RNF170: variants seen among roughly 807,000 people sequenced by gnomAD.
RNF170 encodes the protein E3 ubiquitin-protein ligase RNF170.
A neutral mutation model predicts 32.7 loss-of-function variants in RNF170; 12 were observed. That is an observed-to-expected ratio of 0.37 (90% confidence interval 0.24 to 0.60). The LOEUF is 0.60. Among genes scored for constraint, RNF170 ranks in the 20% least tolerant of loss-of-function variants. The pLI is 0.72. For missense variants in RNF170, 212 were observed against 311.2 expected (o/e 0.68, Z 2.40); for synonymous variants, 91 against 103.6 (o/e 0.88, Z 0.74).
At chr8:42,865,261 A>T (rs1324616124) in intron 5 of RNF170, among the ~76,000 whole-genome samples, 155 bp downstream of exon 5, 1 of 151,292 alleles carries the variant, frequency 6.6e-6, no homozygotes, top group Non-Finnish European at 1.5e-5. Flanking sequence ...AAAAAAATAA[A>T]AATAATAATA....
Position 42,854,284 on chromosome 8 carries a change from A to C in RNF170, c.*1875T>G. 1 of 1,287,220 alleles carries C rather than the reference A, an allele frequency of 7.8e-7. No individual in the cohort carries two copies. The highest frequency in any genetic ancestry group is 1.5e-5 in the African/African-American group (1 of 65,912). The allele number at this position is 1,287,220 out of a possible 1,614,324, so 79.7% of individuals were successfully genotyped here. A position where few individuals can be genotyped will look rare whatever the true frequency, so the allele number is the denominator to read the frequency against. On this transcript the variant is annotated 3_prime_UTR_variant, in exon 7 of 7. Transcript: ENST00000527424. The stretch of plus-strand genomic sequence containing the variant: ...CAGTTTCTCTCTTGCTGTTCCTCTT[A>C]ACAACTTTCACGTCTATCTAAACAT...
intron 2 of RNF170, among the ~76,000 whole-genome samples, chr8:42,878,793 G>C (rs1463668658): frequency 6.6e-6 from 1 of 152,210 alleles, no homozygotes; most frequent in Non-Finnish European, 1.5e-5. Context: ...CTAGAGAGGA[G>C]AAGTCAATGC....
intron 2 of RNF170, among the ~76,000 whole-genome samples, chr8:42,878,890 T>C (rs1196666768): frequency 6.6e-6 from 1 of 152,242 alleles, no homozygotes; most frequent in Non-Finnish European, 1.5e-5. Context: ...CAATGCTCAT[T>C]GACCATTCTG....
chr8:42,850,633 AAGCAGAC>A (rs1802917187), downstream of RNF170: 2 of 833,210 alleles, frequency 2.4e-6, no homozygotes, highest in Non-Finnish European at 3.8e-6. Flanking sequence ...TTCTAGTGAG[AAGCAGAC>A]AGACAATGGA....
rs1357926023 is a variant in RNF170 at position 42,870,090 on chromosome 8, T to G, written c.236A>C (p.Gln79Pro). The change falls in exon 4 of 7, where the codon CAG becomes CCG. Residue 79 changes from glutamine (Q) to proline (P), a missense_variant. By Grantham distance (76) the Gln-to-Pro change is moderately conservative. Transcript: ENST00000527424. ...ACAGTACATGTCAGTGTAGAACTGC[T>G]GTCGAGTGGCAGCAGGTGCATCCTA... ...TEQDAPAATR[Q>P]QFYTDMYCPI... 6.2e-7 allele frequency: 1 copy of G among 1,613,846 alleles called. No homozygotes were observed. Among genetic ancestry groups the G allele is most frequent in the Non-Finnish European group, 8.5e-7 (1 of 1,179,962 alleles).
chr8:42,892,681 T>TG (rs1806409184), intron 1 of RNF170, among the ~76,000 whole-genome samples: 3 of 151,808 alleles, frequency 2.0e-5, no homozygotes, highest in Admixed American at 2.0e-4. Flanking sequence ...AGCGTTTTTT[T>TG]TTTTTTTTTT....
downstream of RNF170, chr8:42,851,139 A>G (rs1464638361): frequency 1.7e-6 from 2 of 1,209,480 alleles, no homozygotes; most frequent in African/African-American, 3.0e-5. Context: ...CTCTACCACC[A>G]CAGCCCCCAT....
intron 2 of RNF170, among the ~76,000 whole-genome samples, chr8:42,884,348 T>C (rs1805642714): frequency 1.3e-5 from 2 of 152,084 alleles, no homozygotes; most frequent in South Asian, 4.2e-4. Context: ...CCTCCCAAAG[T>C]GCTAGGATTA....
At position 42,886,160 on chromosome 8, in the gene RNF170, C is replaced by G. The variant is rs943293858; in HGVS notation, c.137+1568G>C. Among the ~76,000 whole-genome samples the G allele has an allele frequency of 4.9e-4, 75 of 151,812 alleles. 1 individual carries two copies. Among genetic ancestry groups the G allele is most frequent in the Non-Finnish European group, 2.9e-5 (2 of 67,920 alleles). ...AATGGCGTGAACCCGGGAAGTGGAG[C>G]TTGCAGTGAGCCGAGATCACGCCAC... is the stretch of plus-strand genomic sequence containing the variant. On this transcript the variant is annotated intron_variant, in intron 2 of 6. Transcript: ENST00000527424.
At chr8:42,883,861 A>C (rs1234340168) in intron 2 of RNF170, among the ~76,000 whole-genome samples, 1 of 152,208 alleles carries the variant, frequency 6.6e-6, no homozygotes, top group Non-Finnish European at 1.5e-5. Flanking sequence ...TCTGAATTTT[A>C]AACTACAAAT....
chr8:42,878,556 G>A (rs1805138134), intron 2 of RNF170, among the ~76,000 whole-genome samples: 1 of 152,192 alleles, frequency 6.6e-6, no homozygotes, highest in Non-Finnish European at 1.5e-5. Flanking sequence ...AGGAGAGGAA[G>A]CTACAGAAGA....
intron 2 of RNF170, among the ~76,000 whole-genome samples, chr8:42,878,223 G>C (rs928986993): frequency 6.6e-6 from 1 of 152,170 alleles, no homozygotes; most frequent in Non-Finnish European, 1.5e-5. Context: ...GTGTTCAAGT[G>C]AAAGGAAGAC....
intron 1 of RNF170, among the ~76,000 whole-genome samples, chr8:42,890,035 C>G (rs1178048436): frequency 2.0e-5 from 3 of 152,116 alleles, no homozygotes; most frequent in Admixed American, 2.0e-4. Context: ...GGTGAAAGTG[C>G]TTTGTAAGTT....
chr8:42,860,604 G>A (rs539034254), intron 6 of RNF170, among the ~76,000 whole-genome samples: 4 of 152,102 alleles, frequency 2.6e-5, no homozygotes, highest in Non-Finnish European at 5.9e-5. Context: ...TGTATTTTTA[G>A]TAGAGACAGG....
rs1804412614 is a variant in RNF170, at chr8:42,870,084, A to G, written c.242T>C (p.Phe81Ser). The change falls in exon 4 of 7, where the codon TTC (phenylalanine) becomes TCC (serine). Residue 81 changes from phenylalanine (F) to serine (S), a missense_variant. By Grantham distance (155) the Phe-to-Ser change is radical. Transcript: ENST00000527424. ...GATGGGACAGTACATGTCAGTGTAG[A>G]ACTGCTGTCGAGTGGCAGCAGGTGC... ...QDAPAATRQQFYTDMYCPICL... is the reference protein window; with the variant it reads ...QDAPAATRQQSYTDMYCPICL... The G allele has an allele frequency of 6.2e-7, 1 of 1,614,022 alleles. No homozygotes were observed. The highest frequency in any genetic ancestry group is 1.3e-5 in the African/African-American group (1 of 74,910).
upstream of RNF170, chr8:42,897,195 G>T: frequency 1.6e-6 from 2 of 1,243,382 alleles, no homozygotes; most frequent in Non-Finnish European, 2.0e-6. Flanking sequence ...TTGGGTACGT[G>T]GGGGCCGCGG....
chr8:42,875,093 C>A (rs574110893), intron 2 of RNF170, among the ~76,000 whole-genome samples: 1 of 151,906 alleles, frequency 6.6e-6, no homozygotes, highest in Admixed American at 6.6e-5. Flanking sequence ...ATCGCTTAAA[C>A]CCCGGAGGTG....
rs200936379 is a variant in RNF170 at position 42,877,351 on chromosome 8, A to T, written c.138-3345T>A. Among the ~76,000 whole-genome samples, 21 of 151,904 alleles carry T rather than the reference A, an allele frequency of 1.4e-4. No homozygotes were observed. The East Asian group carries it at 3.5e-3, about 25-fold the overall frequency. On this transcript the variant is annotated intron_variant, in intron 2 of 6. Coordinates refer to ENST00000527424, the MANE Select transcript of RNF170 (RefSeq NM_030954.4). Reference sequence around the variant, plus strand: ...TCCAGCTAATTTTTATATTTTTAGTAGAGTTGGGGTTTCACCATGTTGGCC... The same window carrying T: ...TCCAGCTAATTTTTATATTTTTAGTTGAGTTGGGGTTTCACCATGTTGGCC...
chr8:42,892,974 A>G (rs1023059574), intron 1 of RNF170, among the ~76,000 whole-genome samples: 1 of 152,164 alleles, frequency 6.6e-6, no homozygotes, highest in African/African-American at 2.4e-5. Flanking sequence ...GTGACAGAAC[A>G]AGACCTTGTC....
Sources: gnomAD v4.1 joint callset for allele counts (sites outside exome capture counted in the v4.1 genomes callset) on GRCh38, gnomAD v4.1.1 for gene constraint, MANE v1.5 for transcripts, NCBI Gene and HGNC (gene_info 2026-07-23, HGNC 2026-07-21) for gene names.